Variants in IPO9 observed in about 807,000 individuals in gnomAD.
The protein encoded by IPO9 is importin 9, also known as importin-9.
In IPO9, 28 loss-of-function variants were observed where a neutral mutation model predicts 128.6. The observed-to-expected ratio is 0.22, with a 90% CI of 0.16 to 0.30. The LOEUF is 0.30. Ranked by LOEUF, IPO9 falls within the 10% of genes least tolerant of loss-of-function variation. IPO9 has a pLI of 1.00. For missense variants in IPO9, 935 were observed against 1,293.9 expected (o/e 0.72, Z 4.26); for synonymous variants, 455 against 475.8 (o/e 0.96, Z 0.57).
In IPO9 at chr1:201,874,844, A is replaced by T. The variant is rs928154871; in HGVS notation, c.2846A>T (p.Asp949Val). The T allele has an allele frequency of 6.2e-7, 1 of 1,611,412 alleles. No individual in the cohort carries two copies. The highest frequency in any genetic ancestry group is 1.3e-5 in the African/African-American group (1 of 74,890). ...PAEWSQDDSNDMWEDQEEEEE... is the reference protein window; with the variant it reads ...PAEWSQDDSNVMWEDQEEEEE... ...CATCTCCAAGTAGATGACTCCAATG[A>T]TATGTGGGAGGACCAGGAGGAGGAA... Residue 949 changes from aspartate to valine, a missense_variant, in exon 22 of 24, where the codon GAT becomes GTT. Transcript: ENST00000361565.
Position 201,868,784 on chromosome 1 carries a change from A to C in IPO9, c.1992A>C (p.Ala664=). ...AGGCCCCAGCAGACAAGATTCCTGC[A>C]GGGCTTTGTGCGGTAAGTGGCCGTG... ...IMQAPADKIP[A]GLCATAIDIL... is the part of the protein sequence containing the mutation. Residue 664 remains alanine (A), a synonymous_variant, in exon 16 of 24, where the codon GCA becomes GCC. Transcript: ENST00000361565. 1 of 1,609,866 alleles carries C rather than the reference A, an allele frequency of 6.2e-7. No homozygotes were observed. The highest frequency in any genetic ancestry group is 8.5e-7 in the Non-Finnish European group (1 of 1,178,940).
At chr1:201,869,137 G>A (rs1680606347) in intron 16 of IPO9, among the ~76,000 whole-genome samples, 1 of 152,186 alleles carries the variant, frequency 6.6e-6, no homozygotes, top group South Asian at 2.1e-4. Flanking sequence ...TGCAGTACCA[G>A]CTACTCAAGA....
rs1680811509 is a variant in IPO9, at chr1:201,878,171, C to A, written c.*2117C>A. ...CTAACTGCTTGTGCCCCTGCTGCTT[C>A]ACATGGCATTGTGGGAGTTGCTGAT... On this transcript the variant is annotated 3_prime_UTR_variant, in exon 24 of 24. Coordinates refer to ENST00000361565, the MANE Select transcript of IPO9 (RefSeq NM_018085.5). 6.6e-6 allele frequency: 1 copy of A among 152,314 alleles called. No homozygotes were observed. Among genetic ancestry groups the A allele is most frequent in the South Asian group, 2.1e-4 (1 of 4,834 alleles). The allele number at this position is 152,314 out of a possible 1,614,324, so 9.4% of individuals were successfully genotyped here.
intron 13 of IPO9, among the ~76,000 whole-genome samples, chr1:201,861,960 G>C (rs1003366618): frequency 1.3e-5 from 2 of 150,438 alleles, no homozygotes; most frequent in African/African-American, 5.0e-5. Flanking sequence ...AGAGCTGGGA[G>C]AGTAAGATGT....
chr1:201,839,782 A>T (rs951767155), intron 1 of IPO9, among the ~76,000 whole-genome samples: 1 of 152,124 alleles, frequency 6.6e-6, no homozygotes, highest in East Asian at 1.9e-4. Context: ...ATCCAGAGAC[A>T]ATAAAAGAAA....
intron 13 of IPO9, among the ~76,000 whole-genome samples, chr1:201,860,466 A>G (rs979171014): frequency 6.6e-6 from 1 of 152,198 alleles, no homozygotes; most frequent in Non-Finnish European, 1.5e-5. Context: ...TTTGTATCCT[A>G]CAAGTGCCTT....
chr1:201,830,649 A>G (rs778144664), intron 1 of IPO9, among the ~76,000 whole-genome samples: 23 of 152,232 alleles, frequency 1.5e-4, no homozygotes, highest in Non-Finnish European at 1.5e-4. Flanking sequence ...CGGCTTCTAA[A>G]TAAAATTCGT....
At position 201,875,149 on chromosome 1, in the gene IPO9, CAG is replaced by C; in HGVS notation, c.2939_2940del. 1 of 1,613,936 alleles carries C rather than the reference CAG, an allele frequency of 6.2e-7. No homozygotes were observed. Among genetic ancestry groups the C allele is most frequent in the Non-Finnish European group, 8.5e-7 (1 of 1,179,788 alleles). On this transcript the variant is annotated splice_acceptor_variant, in intron 22 of 23. Coordinates refer to ENST00000361565, the MANE Select transcript of IPO9 (RefSeq NM_018085.5). LOFTEE classifies it high-confidence loss of function. Reference sequence around the variant, plus strand: ...CCCGCCCTGTGTTGGCTATGTCTAACAGAGGAGGATTACTACGAGGATGATGA... The same window carrying C: ...CCCGCCCTGTGTTGGCTATGTCTAACAGGAGGATTACTACGAGGATGATGA...
rs1171639024 is a variant in IPO9 at position 201,880,779 on chromosome 1, A to G, written c.*4725A>G. On this transcript the variant is annotated 3_prime_UTR_variant, in exon 24 of 24. Coordinates refer to ENST00000361565, the MANE Select transcript of IPO9 (RefSeq NM_018085.5). Reference sequence around the variant, plus strand: ...GTTTGACTTCCAGTTTTTCAACTTTAGGATTGTGCAAAAGCTATACACATT... The same window carrying G: ...GTTTGACTTCCAGTTTTTCAACTTTGGGATTGTGCAAAAGCTATACACATT... 2 of 152,218 alleles carry G rather than the reference A, an allele frequency of 1.3e-5. No individual in the cohort carries two copies. The highest frequency in any genetic ancestry group is 2.4e-5 in the African/African-American group (1 of 41,446). 9.4% of individuals were successfully genotyped at this position (152,218 alleles called of 1,614,324 possible). A position where few individuals can be genotyped will look rare whatever the true frequency, so the allele number is the denominator to read the frequency against.
chr1:201,864,029 C>A (rs1166830994), intron 14 of IPO9, among the ~76,000 whole-genome samples: 1 of 136,888 alleles, frequency 7.3e-6, no homozygotes, highest in Admixed American at 7.5e-5. Flanking sequence ...TTATTTTTTC[C>A]CAGTTTTACC....
chr1:201,848,290 T>A, intron 3 of IPO9, 103 bp from the exon 4 acceptor site: 1 of 928,382 alleles, frequency 1.1e-6, no homozygotes, highest in Non-Finnish European at 1.7e-6. Flanking sequence ...AGACATGCAG[T>A]ACCTTGTACT....
rs967929758 is a variant in IPO9 at position 201,882,187 on chromosome 1, T to G, written c.*6133T>G. On this transcript the variant is annotated 3_prime_UTR_variant, in exon 24 of 24. Coordinates refer to ENST00000361565, the MANE Select transcript of IPO9 (RefSeq NM_018085.5). ...TGGCTCACACCTGTAATCCCAGCAC[T>G]TTGGGAGGCCGAGGCAGGCGGACCA... The G allele has an allele frequency of 6.6e-6, 1 of 152,050 alleles. No homozygotes were observed. Among genetic ancestry groups the G allele is most frequent in the African/African-American group, 2.4e-5 (1 of 41,372 alleles). 9.4% of individuals were successfully genotyped at this position (152,050 alleles called of 1,614,324 possible). A position where few individuals can be genotyped will look rare whatever the true frequency, so the allele number is the denominator to read the frequency against.
chr1:201,867,924 A>C (rs927666739), intron 15 of IPO9, among the ~76,000 whole-genome samples: 4 of 152,172 alleles, frequency 2.6e-5, no homozygotes, highest in Non-Finnish European at 5.9e-5. Context: ...CTTTTCAGCC[A>C]TTACTAATGT....
intron 10 of IPO9, among the ~76,000 whole-genome samples, chr1:201,856,210 A>G (rs1000156459): frequency 5.3e-5 from 8 of 150,758 alleles, no homozygotes; most frequent in African/African-American, 9.8e-5. Context: ...GGCTCAAGCA[A>G]TCCACCCACC....
intron 4 of IPO9, among the ~76,000 whole-genome samples, chr1:201,849,982 C>T (rs924855132): frequency 2.0e-5 from 3 of 152,184 alleles, no homozygotes; most frequent in Non-Finnish European, 4.4e-5. Flanking sequence ...TTAACAGATA[C>T]ATGTTCTACC....
chr1:201,875,350 G>GATTAC, intron 23 of IPO9, 122 bp downstream of exon 23: 1 of 878,380 alleles, frequency 1.1e-6, no homozygotes, highest in Non-Finnish European at 1.9e-6. Flanking sequence ...AACACTTTGG[G>GATTAC]AGGTCAAGGC....
intron 4 of IPO9, among the ~76,000 whole-genome samples, chr1:201,850,217 A>T (rs1680190045): frequency 6.6e-6 from 1 of 152,226 alleles, no homozygotes; most frequent in African/African-American, 2.4e-5. Context: ...GTCACCAGAC[A>T]TGGAGTGGCT....
chr1:201,831,550 C>T (rs1375357363), intron 1 of IPO9, among the ~76,000 whole-genome samples: 5 of 152,192 alleles, frequency 3.3e-5, no homozygotes, highest in Non-Finnish European at 7.3e-5. Flanking sequence ...GGTCCATTCC[C>T]TCAGATGCGG....
At chr1:201,864,366 T>A (rs192866264) in intron 14 of IPO9, among the ~76,000 whole-genome samples, 1 of 152,236 alleles carries the variant, frequency 6.6e-6, no homozygotes, top group Non-Finnish European at 1.5e-5. Flanking sequence ...GAAGCAGATC[T>A]TTGGCTCTAA....
Sources: allele counts gnomAD v4.1 joint callset (sites outside exome capture counted in the v4.1 genomes callset), GRCh38; gene constraint gnomAD v4.1.1; transcripts MANE v1.5; gene names NCBI Gene and HGNC (gene_info 2026-07-23, HGNC 2026-07-21).